The following SCAI variants were observed in gnomAD, a reference collection of about 807,000 sequenced individuals.
SCAI encodes the protein suppressor of cancer cell invasion, also known as protein SCAI.
In SCAI, 24 loss-of-function variants were observed where a neutral mutation model predicts 92.2. The observed-to-expected ratio is 0.26, with a 90% CI of 0.19 to 0.37. SCAI has a LOEUF of 0.37. Among genes scored for constraint, SCAI ranks in the 10% least tolerant of loss-of-function variants. SCAI has a pLI of 1.00. For synonymous variants in SCAI, 261 were observed against 258.6 expected (o/e 1.01, Z -0.09); for missense variants, 450 against 736.2 (o/e 0.61, Z 4.50).
At chr9:125,008,271 A>G (rs947250363) in intron 9 of SCAI, among the ~76,000 whole-genome samples, 4 of 152,032 alleles carry the variant, frequency 2.6e-5, no homozygotes, top group African/African-American at 9.7e-5. Flanking sequence ...CAGTCTCCCA[A>G]GTAGCTGGGA....
rs760234649 is a variant in SCAI, at chr9:124,952,778, A to G, written c.*29T>C. 4 of 1,589,840 alleles carry G rather than the reference A, an allele frequency of 2.5e-6. No individual in the cohort carries two copies. The highest frequency in any genetic ancestry group is 3.4e-6 in the Non-Finnish European group (4 of 1,164,640). On this transcript the variant is annotated 3_prime_UTR_variant, in exon 18 of 18. Coordinates refer to ENST00000336505, the MANE Select transcript of SCAI (RefSeq NM_001144877.3). ...ACCATTTAAAATTTGTGGAAAATGA[A>G]AACTTGTTTCGACAACAGGGTTTTT...
intron 2 of SCAI, among the ~76,000 whole-genome samples, chr9:125,058,191 G>C (rs1588185071): frequency 6.6e-6 from 1 of 151,968 alleles, no homozygotes; most frequent in African/African-American, 2.4e-5. Context: ...TGCAAATATG[G>C]AAATGGAAGA....
chr9:125,097,328 G>A (rs1834579787), intron 2 of SCAI, among the ~76,000 whole-genome samples: 1 of 152,034 alleles, frequency 6.6e-6, no homozygotes, highest in South Asian at 2.1e-4. Flanking sequence ...AGCTACTCAG[G>A]AGGCTGAGAC....
intron 2 of SCAI, among the ~76,000 whole-genome samples, chr9:125,120,989 A>C (rs1389288829): frequency 6.6e-6 from 1 of 152,138 alleles, no homozygotes. Context: ...AATTAAATAC[A>C]GAGTTGGAAG....
intron 2 of SCAI, among the ~76,000 whole-genome samples, chr9:125,109,578 C>T (rs1935447278): frequency 6.6e-6 from 1 of 152,110 alleles, no homozygotes; most frequent in Non-Finnish European, 1.5e-5. Context: ...CCCATTACTA[C>T]AGAAGTAAAA....
At chr9:124,953,483 G>A (rs1474598292) in intron 17 of SCAI, among the ~76,000 whole-genome samples, 2 of 151,890 alleles carry the variant, frequency 1.3e-5, no homozygotes, top group African/African-American at 2.4e-5. Context: ...AAAATTAGCC[G>A]GGCATGGTGG....
intron 14 of SCAI, among the ~76,000 whole-genome samples, chr9:124,993,343 T>A (rs906270208): frequency 2.6e-5 from 4 of 151,978 alleles, no homozygotes; most frequent in Non-Finnish European, 5.9e-5. Context: ...AATCCCAACA[T>A]TTTGGGAGGC....
chr9:124,974,713 G>A (rs978367053), intron 15 of SCAI, among the ~76,000 whole-genome samples: 6 of 152,102 alleles, frequency 3.9e-5, no homozygotes, highest in South Asian at 2.1e-4. Context: ...ATAGGAAACC[G>A]GATAAAATGT....
chr9:125,070,921 G>A (rs542865328), intron 2 of SCAI, among the ~76,000 whole-genome samples: 1 of 152,262 alleles, frequency 6.6e-6, no homozygotes, highest in African/African-American at 2.4e-5. Context: ...TGTGTTGTGG[G>A]AGGGACCCGG....
At chr9:124,961,724 T>C (rs368126224) in intron 17 of SCAI, among the ~76,000 whole-genome samples, 35 of 150,636 alleles carry the variant, frequency 2.3e-4, no homozygotes, top group East Asian at 1.6e-3. Flanking sequence ...AGAACTCAAA[T>C]ATAGCTGACC....
At chr9:125,130,750 T>C (rs1218381555) in intron 2 of SCAI, among the ~76,000 whole-genome samples, 1 of 151,632 alleles carries the variant, frequency 6.6e-6, no homozygotes, top group Non-Finnish European at 1.5e-5. Context: ...CCCAAAGTAC[T>C]GGGATTACAG....
At chr9:125,066,508 T>G (rs1470676434) in intron 2 of SCAI, among the ~76,000 whole-genome samples, 1 of 151,576 alleles carries the variant, frequency 6.6e-6, no homozygotes, top group Non-Finnish European at 1.5e-5. Flanking sequence ...CAGGCTGGAG[T>G]GCAGTGGCAT....
chr9:125,013,608 G>A (rs1469290429), intron 9 of SCAI, among the ~76,000 whole-genome samples: 1 of 152,168 alleles, frequency 6.6e-6, no homozygotes, highest in Non-Finnish European at 1.5e-5. Flanking sequence ...GGTACAAGAG[G>A]AACTGGTACC....
At chr9:125,052,634 A>C (rs1016785100) in intron 3 of SCAI, among the ~76,000 whole-genome samples, 7 of 152,166 alleles carry the variant, frequency 4.6e-5, no homozygotes, top group Non-Finnish European at 7.4e-5. Context: ...AAAAAAAAGA[A>C]AGAAAGAAAG....
chr9:125,127,405 ATTT>A (rs11399082), intron 2 of SCAI, among the ~76,000 whole-genome samples: 1 of 140,796 alleles, frequency 7.1e-6, no homozygotes. Context: ...CCAGGGCAGA[ATTT>A]TTTTTTTTTT....
chr9:124,967,582 T>C (rs1831565656), intron 17 of SCAI, among the ~76,000 whole-genome samples: 1 of 152,126 alleles, frequency 6.6e-6, no homozygotes, highest in African/African-American at 2.4e-5. Context: ...TTTTCCTCCT[T>C]TCTTGTCATT....
intron 17 of SCAI, among the ~76,000 whole-genome samples, chr9:124,961,506 T>C (rs1409058774): frequency 3.3e-5 from 5 of 151,550 alleles, no homozygotes; most frequent in Non-Finnish European, 5.9e-5. Context: ...AAAAATTAGC[T>C]GGGCGTGGTG....
intron 2 of SCAI, among the ~76,000 whole-genome samples, chr9:125,122,773 G>GT (rs1231936620): frequency 1.3e-5 from 2 of 152,048 alleles, no homozygotes; most frequent in Non-Finnish European, 2.9e-5. Flanking sequence ...GGGCGTAGTG[G>GT]TATGTGACAG....
intron 2 of SCAI, among the ~76,000 whole-genome samples, chr9:125,134,442 T>C (rs1835474779): frequency 6.6e-6 from 1 of 152,076 alleles, no homozygotes; most frequent in Non-Finnish European, 1.5e-5. Context: ...ACAAATTACA[T>C]ACAACAACAA....
Sources: gnomAD v4.1 joint callset for allele counts (sites outside exome capture counted in the v4.1 genomes callset) on GRCh38, gnomAD v4.1.1 for gene constraint, MANE v1.5 for transcripts, NCBI Gene and HGNC (gene_info 2026-07-23, HGNC 2026-07-21) for gene names.